Variants in CROCC2 observed in about 807,000 individuals in gnomAD.
CROCC2 encodes the protein ciliary rootlet coiled-coil protein 2.
CROCC2 carries 163 observed loss-of-function variants against 177.6 expected under a neutral mutation model. That is an observed-to-expected ratio of 0.92 (90% confidence interval 0.81 to 1.05). The LOEUF (loss-of-function observed/expected upper bound fraction) is 1.05, where lower values mean the gene tolerates loss of function less well. CROCC2 is among the 50% of genes least tolerant of loss of function. The pLI, the probability that CROCC2 is intolerant of heterozygous loss-of-function variation, is 0.00. For missense variants in CROCC2, 1,929 were observed against 1,797.8 expected (o/e 1.07, Z -1.32); for synonymous variants, 904 against 787.3 (o/e 1.15, Z -2.48).
At chr2:240,976,004 T>G (rs891391873) in intron 27 of CROCC2, among the ~76,000 whole-genome samples, 2 of 152,192 alleles carry the variant, frequency 1.3e-5, no homozygotes, top group Admixed American at 6.5e-5. Context: ...GTGCTGGGAT[T>G]ACAGGAATGA....
rs907858606 is a variant in CROCC2 at position 240,934,600 on chromosome 2, C to G, written c.1791+125C>G. 5.9e-6 allele frequency: 6 copies of G among 1,024,444 alleles called. No homozygotes were observed. In the African/African-American group the frequency reaches 8.2e-5, roughly 14 times the overall value. The allele number at this position is 1,024,444 out of a possible 1,614,324, so 63.5% of individuals were successfully genotyped here. A position where few individuals can be genotyped will look rare whatever the true frequency, so the allele number is the denominator to read the frequency against. On this transcript the variant is annotated intron_variant, in intron 12 of 31. Coordinates refer to ENST00000690015, the MANE Select transcript of CROCC2 (RefSeq NM_001351305.2). ...GGCCCCTCAGCCCATCACCAGAGAT[C>G]CCAAAGTCACCAAAGTTCTCTCCCG...
At chr2:240,919,898 A>G in intron 2 of CROCC2, 85 bp from the exon 3 acceptor site, 2 of 509,552 alleles carry the variant, frequency 3.9e-6, no homozygotes, top group Admixed American at 3.0e-5. Context: ...TGGCCAGCCC[A>G]GGGTCCCACC....
intron 5 of CROCC2, among the ~76,000 whole-genome samples, chr2:240,928,420 T>TTGTGTGTGTGTGTG (rs58145871): frequency 0.018 from 2,603 of 147,714 alleles, 58 homozygotes; most frequent in East Asian, 0.083. Context: ...TGTGCCTGTT[T>TTGTGTGTGTGTGTG]TGTGTGTGTG....
intron 27 of CROCC2, among the ~76,000 whole-genome samples, chr2:240,971,457 G>T (rs905132875): frequency 6.6e-6 from 1 of 152,130 alleles, no homozygotes; most frequent in African/African-American, 2.4e-5. Context: ...TCGATTCCAG[G>T]CTCCTTGTTT....
At chr2:240,968,849 G>A (rs999924658) in intron 27 of CROCC2, among the ~76,000 whole-genome samples, 1 of 152,196 alleles carries the variant, frequency 6.6e-6, no homozygotes, top group Non-Finnish European at 1.5e-5. Flanking sequence ...CCAGGCAGTG[G>A]TGGATGGAGG....
At chr2:240,971,181 G>A (rs1158459366) in intron 27 of CROCC2, among the ~76,000 whole-genome samples, 1 of 152,172 alleles carries the variant, frequency 6.6e-6, no homozygotes, top group Non-Finnish European at 1.5e-5. Context: ...GCCGACACCC[G>A]AGGGTGTGCG....
At chr2:240,955,823 C>T in intron 18 of CROCC2, 36 bp from the exon 19 acceptor site, 9 of 1,480,600 alleles carry the variant, frequency 6.1e-6, no homozygotes, top group Non-Finnish European at 8.2e-6. Context: ...CCCGAGACTC[C>T]CCAACTTTCT....
At chr2:240,951,015 TCACCTCCTCATCCATCCATCCACCCATCC>T (rs2059552412) in intron 18 of CROCC2, 2 of 121,436 alleles carry the variant, frequency 1.6e-5, no homozygotes, top group East Asian at 2.9e-4. Context: ...ATCCACCCAT[TCACCTCCTCATCCATCCATCCACCCATCC>T]ACCTGCTCAT....
rs10175493 is a variant in CROCC2 at position 240,906,967 on chromosome 2, A to G, written c.78+376A>G. Among the ~76,000 whole-genome samples the G allele has an allele frequency of 3.4e-4, 19 of 55,394 alleles. No homozygotes were observed. The South Asian group carries it at 7.5e-3, about 22-fold the overall frequency. The allele number at this position is 55,394 out of a possible 152,430, so 36.3% of individuals were successfully genotyped here. ...GCGTCCCTGGCAGCCACAGGTTTGC[A>G]GGGTGGAGAGAGAGCCCGGGGCCGC... On this transcript the variant is annotated intron_variant, in intron 1 of 31. Coordinates refer to ENST00000690015, the MANE Select transcript of CROCC2 (RefSeq NM_001351305.2).
At chr2:240,959,520 G>C in intron 20 of CROCC2, 76 bp downstream of exon 20, 111 of 1,462,748 alleles carry the variant, frequency 7.6e-5, no homozygotes, top group Non-Finnish European at 9.3e-5. Flanking sequence ...AGAGAGGAGA[G>C]AGTGGGGGTG....
intron 7 of CROCC2, 78 bp from the exon 8 acceptor site, chr2:240,932,240 C>T (rs1308904009): frequency 3.1e-5 from 20 of 655,184 alleles, no homozygotes; most frequent in Middle Eastern, 2.5e-4. Flanking sequence ...CAAAGGAGTC[C>T]GGGCAGAGCC....
At chr2:240,951,563 G>A (rs939516757) in intron 18 of CROCC2, among the ~76,000 whole-genome samples, 1 of 151,794 alleles carries the variant, frequency 6.6e-6, no homozygotes, top group African/African-American at 2.4e-5. Context: ...CACATTCGTA[G>A]CTGTCCATCC....
rs937900387 is a variant in CROCC2 at position 240,906,446 on chromosome 2, G to A, written c.-68G>A. The A allele has an allele frequency of 2.5e-6, 1 of 399,000 alleles. No individual in the cohort carries two copies. The highest frequency in any genetic ancestry group is 2.1e-5 in the African/African-American group (1 of 48,764). The allele number at this position is 399,000 out of a possible 1,614,324, so 24.7% of individuals were successfully genotyped here. ...GGCCCGTGGACCAAGGAAGACCCTG[G>A]CCAGTTGGAGGAGAACTGCCAGGTA... On this transcript the variant is annotated 5_prime_UTR_variant, in exon 1 of 32. Coordinates refer to ENST00000690015, the MANE Select transcript of CROCC2 (RefSeq NM_001351305.2).
chr2:240,988,025 C>T (rs908856033), intron 28 of CROCC2, among the ~76,000 whole-genome samples: 1 of 152,216 alleles, frequency 6.6e-6, no homozygotes, highest in African/African-American at 2.4e-5. Context: ...AGAGAGAACT[C>T]TTAGATTCAA....
In CROCC2 at chr2:240,918,277, G is replaced by C. The variant is rs368821786; in HGVS notation, c.79-449G>C. Among the ~76,000 whole-genome samples the C allele has an allele frequency of 1.3e-4, 20 of 152,080 alleles. No individual in the cohort carries two copies. The highest frequency in any genetic ancestry group is 3.9e-4 in the African/African-American group (16 of 41,392). ...ACACACTGGGCTCTGTGACTGCTGC[G>C]TGGGATCTAGGTCCCTCCTCTGGCC... On this transcript the variant is annotated intron_variant, in intron 1 of 31. Transcript: ENST00000690015. This position sits in a 1 kb window ranked among gnomAD's most constrained non-coding sequence, Gnocchi z 6.3.
At chr2:240,952,380 T>C (rs2059562269) in intron 18 of CROCC2, among the ~76,000 whole-genome samples, 1 of 151,034 alleles carries the variant, frequency 6.6e-6, no homozygotes, top group African/African-American at 2.4e-5. Context: ...AGCCAAGATT[T>C]ATTGTCAAAC....
chr2:240,974,238 T>C (rs1161916087), intron 27 of CROCC2, among the ~76,000 whole-genome samples: 8 of 152,240 alleles, frequency 5.3e-5, no homozygotes, highest in Non-Finnish European at 8.8e-5. Flanking sequence ...CAACGGTTCA[T>C]GTTTTATTCC....
Position 240,932,891 on chromosome 2 carries a change from C to T in CROCC2, c.1234C>T (p.Arg412Trp), listed in dbSNP as rs1481498135. 22 of 1,546,456 alleles carry T rather than the reference C, an allele frequency of 1.4e-5. No homozygotes were observed. Among genetic ancestry groups the T allele is most frequent in the African/African-American group, 8.2e-5 (6 of 72,992 alleles). ...LQAMRAAIER[R>W]WRREQELCLQ... The stretch of plus-strand genomic sequence containing the variant: ...GGCCATGCGGGCAGCCATAGAGAGG[C>T]GGTGGCGGCGGGAACAGGTGGGCAG... The change falls in exon 9 of 32, where the codon CGG (arginine) becomes TGG (tryptophan). Residue 412 changes from arginine (R) to tryptophan (W), a missense_variant. Physicochemically the swap from Arg to Trp is moderately radical, Grantham distance 101 (BLOSUM62 -3). Around this residue, in one of 3 missense-constraint regions of CROCC2, gnomAD observed 1,397 missense variants for 1,239.9 expected, o/e 1.13. Transcript: ENST00000690015.
rs1486593449 is a variant in CROCC2 at position 240,917,913 on chromosome 2, C to T, written c.79-813C>T. Reference sequence around the variant, plus strand: ...GCAGGAGTCCCCTGCCCTGGGGTCCCGGCCCTCCCCAAGCTGTGCCCCTGC... The same window carrying T: ...GCAGGAGTCCCCTGCCCTGGGGTCCTGGCCCTCCCCAAGCTGTGCCCCTGC... On this transcript the variant is annotated intron_variant, in intron 1 of 31. Coordinates refer to ENST00000690015, the MANE Select transcript of CROCC2 (RefSeq NM_001351305.2). This position sits in a 1 kb window ranked among gnomAD's most constrained non-coding sequence, Gnocchi z 4.9. Among the ~76,000 whole-genome samples, 4 of 152,164 alleles carry T rather than the reference C, an allele frequency of 2.6e-5. No homozygotes were observed. Among genetic ancestry groups the T allele is most frequent in the East Asian group, 1.9e-4 (1 of 5,186 alleles).
Sources: gnomAD v4.1 joint callset for allele counts (sites outside exome capture counted in the v4.1 genomes callset) on GRCh38, gnomAD v4.1.1 for gene constraint, gnomAD v4.1.1 regional missense constraint, Gnocchi (gnomAD v3.1) non-coding constraint, MANE v1.5 for transcripts, NCBI Gene and HGNC (gene_info 2026-07-23, HGNC 2026-07-21) for gene names.